The following ACOXL variants were observed in gnomAD, a reference collection of about 807,000 sequenced individuals.
ACOXL encodes acyl-coenzyme A oxidase-like protein.
ACOXL carries 70 observed loss-of-function variants against 71.9 expected under a neutral mutation model. The observed-to-expected ratio is 0.97, with a 90% confidence interval of 0.80 to 1.19. The LOEUF is 1.19. Among genes scored for constraint, ACOXL ranks in the 50% most tolerant of loss-of-function variants. The pLI is 0.00. For synonymous variants in ACOXL, 253 were observed against 281.6 expected (o/e 0.90, Z 1.02); for missense variants, 703 against 736.3 (o/e 0.95, Z 0.52).
chr2:111,092,668 A>C (rs1292185290), intron 16 of ACOXL, among the ~76,000 whole-genome samples, 197 bp from the exon 17 acceptor site: 2 of 152,152 alleles, frequency 1.3e-5, no homozygotes, highest in African/African-American at 4.8e-5. Context: ...ATATGCTTTA[A>C]ATTTTTCATA....
chr2:110,784,695 TA>T, intron 2 of ACOXL, 36 bp from the exon 3 acceptor site: 1 of 1,496,440 alleles, frequency 6.7e-7, no homozygotes, highest in Non-Finnish European at 9.0e-7. Context: ...CAGAAAACCA[TA>T]AGGAAACCTT....
At chr2:110,760,326 A>G (rs534702829) in intron 1 of ACOXL, among the ~76,000 whole-genome samples, 1 of 151,868 alleles carries the variant, frequency 6.6e-6, no homozygotes, top group East Asian at 1.9e-4. Flanking sequence ...TTGCATTTTT[A>G]GTAGAAACGG....
intron 9 of ACOXL, among the ~76,000 whole-genome samples, chr2:110,831,266 C>A (rs528440466): frequency 1.3e-5 from 2 of 152,304 alleles, no homozygotes; most frequent in African/African-American, 4.8e-5. Context: ...ACACTTACCT[C>A]CTAGAACTAA....
At chr2:110,877,011 A>C (rs62159472) in intron 10 of ACOXL, among the ~76,000 whole-genome samples, 47,816 of 152,192 alleles carry the variant, frequency 0.31, 7,759 homozygotes, top group Non-Finnish European at 0.35. Flanking sequence ...CTGGTGGCTT[A>C]TTGCAACCTC....
intron 3 of ACOXL, among the ~76,000 whole-genome samples, chr2:110,788,971 T>A (rs1055580887): frequency 2.0e-5 from 3 of 152,240 alleles, no homozygotes; most frequent in Admixed American, 6.5e-5. Flanking sequence ...GCTGTCAACC[T>A]GAGGAAGGGA....
At chr2:110,938,054 A>T (rs1265770901) in intron 12 of ACOXL, among the ~76,000 whole-genome samples, 1 of 152,236 alleles carries the variant, frequency 6.6e-6, no homozygotes, top group Admixed American at 6.5e-5. Flanking sequence ...TGCAGAGCCC[A>T]GCACGACGAG....
At chr2:111,023,184 G>C (rs2064853858) in intron 14 of ACOXL, among the ~76,000 whole-genome samples, 1 of 152,146 alleles carries the variant, frequency 6.6e-6, no homozygotes, top group African/African-American at 2.4e-5. Flanking sequence ...ATCAGGACTG[G>C]ACTCTTTCCT....
intron 12 of ACOXL, among the ~76,000 whole-genome samples, chr2:110,941,787 A>G (rs2060878636): frequency 6.6e-6 from 1 of 152,242 alleles, no homozygotes; most frequent in Non-Finnish European, 1.5e-5. Context: ...ATAATTCATC[A>G]CCAACAGATC....
intron 14 of ACOXL, among the ~76,000 whole-genome samples, chr2:111,025,946 A>G (rs2064999764): frequency 6.6e-6 from 1 of 152,190 alleles, no homozygotes; most frequent in African/African-American, 2.4e-5. Context: ...GAAGTAAAGG[A>G]TAAGGTTCAT....
At position 110,943,249 on chromosome 2, in the gene ACOXL, AAAG is replaced by A. The variant is rs202017406; in HGVS notation, c.1059+9610_1059+9612del. On this transcript the variant is annotated intron_variant, in intron 12 of 17. Transcript: ENST00000439055. Reference sequence around the variant, plus strand: ...AGAAGGAAGCAAGAAAGAGAAAGAAAAAGAAAAGAAAGGAGGGAGGGAGGGAAA... The same window carrying A: ...AGAAGGAAGCAAGAAAGAGAAAGAAAAAAAGAAAGGAGGGAGGGAGGGAAA... Among the ~76,000 whole-genome samples the A allele has an allele frequency of 8.0e-3, 1,193 of 149,308 alleles. 20 individuals are homozygous for A. The highest frequency in any genetic ancestry group is 0.028 in the African/African-American group (1,121 of 40,372).
intron 12 of ACOXL, among the ~76,000 whole-genome samples, chr2:110,937,993 A>T (rs2060729075): frequency 6.6e-6 from 1 of 152,174 alleles, no homozygotes; most frequent in Admixed American, 6.5e-5. Flanking sequence ...TGGAGAAAAG[A>T]GATACCACAT....
Position 110,954,354 on chromosome 2 carries a change from A to G in ACOXL, c.1059+20712A>G, listed in dbSNP as rs150929980. On this transcript the variant is annotated intron_variant, in intron 12 of 17. Coordinates refer to ENST00000439055, the MANE Select transcript of ACOXL (RefSeq NM_001142807.4). ...CAGTAGTTATTGTCATCACTGATATATTTGAATTTATGTTTTCCATCTCTT... is the reference window on the plus strand; with the variant it reads ...CAGTAGTTATTGTCATCACTGATATGTTTGAATTTATGTTTTCCATCTCTT... Among the ~76,000 whole-genome samples, 43 of 152,274 alleles carry G rather than the reference A, an allele frequency of 2.8e-4. No individual in the cohort carries two copies. The East Asian group carries it at 4.8e-3, about 17-fold the overall frequency.
At chr2:111,037,978 T>C (rs2065603406) in intron 15 of ACOXL, among the ~76,000 whole-genome samples, 1 of 152,232 alleles carries the variant, frequency 6.6e-6, no homozygotes, top group Non-Finnish European at 1.5e-5. Flanking sequence ...CGAACAATGC[T>C]TCTTGTTTTT....
intron 17 of ACOXL, among the ~76,000 whole-genome samples, chr2:111,104,934 T>C (rs886511665): frequency 7.2e-5 from 11 of 152,180 alleles, no homozygotes; most frequent in Non-Finnish European, 1.5e-5. Context: ...TCCTATGGGC[T>C]TTATCTAAAA....
intron 5 of ACOXL, among the ~76,000 whole-genome samples, chr2:110,797,432 T>C (rs1685414953): frequency 6.6e-6 from 1 of 152,188 alleles, no homozygotes; most frequent in African/African-American, 2.4e-5. Flanking sequence ...TTATATGCAT[T>C]GATCAGGGAA....
intron 9 of ACOXL, among the ~76,000 whole-genome samples, chr2:110,809,624 G>A (rs988552451): frequency 1.3e-5 from 2 of 152,360 alleles, no homozygotes; most frequent in Admixed American, 6.5e-5. Context: ...TTGGGTATGA[G>A]TGAAGGGTCT....
chr2:110,972,649 GCACACA>G (rs56400982), intron 12 of ACOXL, among the ~76,000 whole-genome samples: 52,808 of 149,902 alleles, frequency 0.35, 10,230 homozygotes, highest in Middle Eastern at 0.52. Flanking sequence ...ACACACACGT[GCACACA>G]CACACACACA....
In ACOXL at chr2:111,108,371, CTTTTT is replaced by C. The variant is rs1225889982; in HGVS notation, c.1543-9226_1543-9222del. On this transcript the variant is annotated intron_variant, in intron 17 of 17. Transcript: ENST00000439055. ...TTTATATACATTGAAGTGCATGAATCTTTTTTTTTTTTTTTTTTTTTTTGGAGACA... is the reference window on the plus strand; with the variant it reads ...TTTATATACATTGAAGTGCATGAATCTTTTTTTTTTTTTTTTTTGGAGACA... Among the ~76,000 whole-genome samples the C allele has an allele frequency of 4.2e-4, 30 of 71,060 alleles. 1 individual carries two copies. Among genetic ancestry groups the C allele is most frequent in the African/African-American group, 1.5e-3 (25 of 16,636 alleles). 46.6% of individuals were successfully genotyped at this position (71,060 alleles called of 152,430 possible). A position where few individuals can be genotyped will look rare whatever the true frequency, so the allele number is the denominator to read the frequency against.
chr2:111,036,339 G>A (rs112259645), intron 15 of ACOXL, among the ~76,000 whole-genome samples: 3 of 152,176 alleles, frequency 2.0e-5, no homozygotes, highest in African/African-American at 7.2e-5. Context: ...AGGGAGGAAG[G>A]GAGGGAGGTA....
Sources: allele counts gnomAD v4.1 joint callset (sites outside exome capture counted in the v4.1 genomes callset), GRCh38; gene constraint gnomAD v4.1.1; transcripts MANE v1.5; gene names NCBI Gene and HGNC (gene_info 2026-07-23, HGNC 2026-07-21).